SOBP: variants seen among roughly 807,000 people sequenced by gnomAD.
The protein encoded by SOBP is sine oculis binding protein homolog.
SOBP carries 4 observed loss-of-function variants against 53.6 expected under a neutral mutation model. The ratio of observed to expected loss-of-function variants is 0.07; its 90% confidence interval spans 0.04 to 0.17. The LOEUF is 0.17. Among genes scored for constraint, SOBP ranks in the 10% least tolerant of loss-of-function variants. The pLI, the probability that SOBP is intolerant of heterozygous loss-of-function variation, is 1.00. For missense variants in SOBP, 1,088 were observed against 1,204.7 expected (o/e 0.90, Z 1.43); for synonymous variants, 584 against 522.6 (o/e 1.12, Z -1.60).
chr6:107,515,731 A>G (rs1309269377), intron 3 of SOBP, among the ~76,000 whole-genome samples: 1 of 152,236 alleles, frequency 6.6e-6, no homozygotes, highest in East Asian at 1.9e-4. Flanking sequence ...CCTGTGTGAC[A>G]GCGAGACTCT....
intron 3 of SOBP, among the ~76,000 whole-genome samples, chr6:107,522,707 T>C (rs1422849411): frequency 6.6e-6 from 1 of 151,796 alleles, no homozygotes; most frequent in African/African-American, 2.4e-5. Flanking sequence ...CATGCCCAGC[T>C]AATTTTTGTA....
chr6:107,572,736 C>T (rs892742108), intron 4 of SOBP, among the ~76,000 whole-genome samples: 2 of 152,002 alleles, frequency 1.3e-5, no homozygotes, highest in Non-Finnish European at 2.9e-5. Flanking sequence ...TGTATGTGTG[C>T]CCAAGCTCTG....
chr6:107,513,865 C>T (rs961006090), intron 3 of SOBP: 4 of 152,380 alleles, frequency 2.6e-5, no homozygotes, highest in Non-Finnish European at 5.9e-5. Flanking sequence ...CTCATCATAG[C>T]TAATAGTTTT....
chr6:107,582,978 G>T (rs1359045651), intron 4 of SOBP, among the ~76,000 whole-genome samples: 1 of 152,230 alleles, frequency 6.6e-6, no homozygotes, highest in Non-Finnish European at 1.5e-5. Context: ...AACAATTTTA[G>T]TGTTCACATA....
At position 107,503,803 on chromosome 6, in the gene SOBP, C is replaced by CATTTA. The variant is rs1243067904; in HGVS notation, c.235+11_235+15dup. On this transcript the variant is annotated intron_variant, in intron 2 of 6. Transcript: ENST00000317357. Reference sequence around the variant, plus strand: ...ACATTTCTGTTCTCAAAGGTAATGACATTTAATGTCCTTTTGTTCATGCAA... The same window carrying CATTTA: ...ACATTTCTGTTCTCAAAGGTAATGACATTTAATTTAATGTCCTTTTGTTCATGCAA... 3.1e-6 allele frequency: 5 copies of CATTTA among 1,613,768 alleles called. No homozygotes were observed. The highest frequency in any genetic ancestry group is 4.2e-6 in the Non-Finnish European group (5 of 1,179,992).
chr6:107,541,439 G>A (rs1005365812), intron 4 of SOBP, among the ~76,000 whole-genome samples: 12 of 152,206 alleles, frequency 7.9e-5, no homozygotes, highest in Middle Eastern at 3.4e-3. Flanking sequence ...AAGTTATGAC[G>A]TAATTCAAAG....
chr6:107,573,595 G>A (rs1387908149), intron 4 of SOBP, among the ~76,000 whole-genome samples: 1 of 152,182 alleles, frequency 6.6e-6, no homozygotes, highest in Non-Finnish European at 1.5e-5. Flanking sequence ...TTGGGTTGGA[G>A]TGGCACCACA....
chr6:107,575,272 A>G (rs1269997339), intron 4 of SOBP, among the ~76,000 whole-genome samples: 1 of 152,204 alleles, frequency 6.6e-6, no homozygotes, highest in Non-Finnish European at 1.5e-5. Context: ...TGCTTAGCAC[A>G]GGGTCTGGCA....
intron 5 of SOBP, 61 bp from the exon 6 acceptor site, chr6:107,633,453 G>A (rs528816339): frequency 3.0e-5 from 48 of 1,604,710 alleles, no homozygotes; most frequent in African/African-American, 8.0e-5. Flanking sequence ...AACACGAAAC[G>A]TCATCTACCC....
intron 5 of SOBP, among the ~76,000 whole-genome samples, chr6:107,593,967 C>G (rs1785851421): frequency 6.6e-6 from 1 of 152,214 alleles, no homozygotes; most frequent in South Asian, 2.1e-4. Context: ...GGCGGCATCG[C>G]AAATGTTGCT....
intron 4 of SOBP, among the ~76,000 whole-genome samples, chr6:107,567,447 T>A (rs966755168): frequency 6.6e-6 from 1 of 152,220 alleles, no homozygotes; most frequent in East Asian, 1.9e-4. Flanking sequence ...ACTTATTTAC[T>A]CTATTTTCCA....
At chr6:107,630,734 CA>C (rs1770670638) in intron 5 of SOBP, among the ~76,000 whole-genome samples, 1 of 119,000 alleles carries the variant, frequency 8.4e-6, no homozygotes, top group Non-Finnish European at 1.8e-5. Flanking sequence ...GACACACACA[CA>C]CACACACACA....
rs548693490 is a variant in SOBP, at chr6:107,533,414, A to G, written c.422-45A>G. 7 of 1,606,986 alleles carry G rather than the reference A, an allele frequency of 4.4e-6. No individual in the cohort carries two copies. In the South Asian group the frequency reaches 6.6e-5, roughly 15 times the overall value. On this transcript the variant is annotated intron_variant, in intron 3 of 6. Coordinates refer to ENST00000317357, the MANE Select transcript of SOBP (RefSeq NM_018013.4). ...TCAGGGTGTGTCTAAATTTGAAGGG[A>G]TGTTTGCTTCTGATATGAACATTTT...
chr6:107,559,289 C>T (rs1784707925), intron 4 of SOBP, among the ~76,000 whole-genome samples: 1 of 152,118 alleles, frequency 6.6e-6, no homozygotes, highest in Non-Finnish European at 1.5e-5. Context: ...ACTTCCCACG[C>T]TACACCGACG....
chr6:107,532,272 CCACA>C (rs1554291805), intron 3 of SOBP, among the ~76,000 whole-genome samples: 1 of 108,052 alleles, frequency 9.3e-6, no homozygotes. Context: ...CACACACACA[CCACA>C]CACACACACA....
intron 4 of SOBP, among the ~76,000 whole-genome samples, chr6:107,570,216 T>A (rs1160809190): frequency 6.6e-6 from 1 of 152,242 alleles, no homozygotes; most frequent in Admixed American, 6.5e-5. Context: ...AAAGTAATAT[T>A]GGTCTGGTCT....
chr6:107,588,310 C>T (rs554317594), intron 5 of SOBP, among the ~76,000 whole-genome samples: 27 of 152,310 alleles, frequency 1.8e-4, no homozygotes, highest in African/African-American at 3.8e-4. Context: ...CAGCAAGAAC[C>T]TCCTTTTCCC....
intron 6 of SOBP, among the ~76,000 whole-genome samples, chr6:107,645,530 A>G (rs1239804835): frequency 4.0e-5 from 1 of 25,106 alleles, no homozygotes; most frequent in East Asian, 5.8e-4. Context: ...CTACTGAGAG[A>G]CAAAAAAAAA....
chr6:107,578,639 T>C (rs1785312128), intron 4 of SOBP, among the ~76,000 whole-genome samples: 1 of 152,212 alleles, frequency 6.6e-6, no homozygotes, highest in Non-Finnish European at 1.5e-5. Context: ...AGTGTGTGCA[T>C]TAAATGAGTT....
Sources: gnomAD v4.1 joint callset for allele counts (sites outside exome capture counted in the v4.1 genomes callset) on GRCh38, gnomAD v4.1.1 for gene constraint, MANE v1.5 for transcripts, NCBI Gene and HGNC (gene_info 2026-07-23, HGNC 2026-07-21) for gene names.